ARID1A: variants seen among roughly 807,000 people sequenced by gnomAD.
ARID1A encodes the protein AT-rich interactive domain-containing protein 1A.
Under a neutral mutation model 212.6 loss-of-function variants are expected in ARID1A, and 20 were observed. The ratio of observed to expected loss-of-function variants is 0.09; its 90% CI spans 0.07 to 0.14. ARID1A has a LOEUF of 0.14. ARID1A is among the 10% of genes least tolerant of loss of function. ARID1A has a pLI of 1.00. For missense variants in ARID1A, 2,587 were observed against 3,059.0 expected, an observed-to-expected ratio of 0.85 and a Z score of 3.64; for synonymous variants, 1,376 against 1,222.1, an observed-to-expected ratio of 1.13 and a Z score of -2.63.
intron 5 of ARID1A, 144 bp downstream of exon 5, chr1:26,761,240 G>T: frequency 6.8e-7 from 1 of 1,460,150 alleles, no homozygotes; most frequent in Non-Finnish European, 9.3e-7. Context: ...AAGGAGATTG[G>T]AACCTGTTGG....
At chr1:26,742,570 A>T (rs2080797910) in intron 4 of ARID1A, among the ~76,000 whole-genome samples, 1 of 152,166 alleles carries the variant, frequency 6.6e-6, no homozygotes, top group Non-Finnish European at 1.5e-5. Context: ...GCCCCATCCT[A>T]GATTTATTGG....
At chr1:26,720,907 C>A (rs1160894148) in intron 1 of ARID1A, among the ~76,000 whole-genome samples, 1 of 151,828 alleles carries the variant, frequency 6.6e-6, no homozygotes, top group Non-Finnish European at 1.5e-5. Flanking sequence ...GCCCGGCCCC[C>A]ATCCCAGACC....
intron 4 of ARID1A, among the ~76,000 whole-genome samples, chr1:26,734,361 T>TTC (rs2080709013): frequency 6.6e-6 from 1 of 151,158 alleles, no homozygotes; most frequent in Non-Finnish European, 1.5e-5. Flanking sequence ...TTTTTTTTTT[T>TTC]TGGTCCTGAG....
intron 1 of ARID1A, among the ~76,000 whole-genome samples, chr1:26,718,195 G>C (rs943158859): frequency 2.6e-5 from 4 of 152,070 alleles, no homozygotes; most frequent in Non-Finnish European, 5.9e-5. Flanking sequence ...GGCTGGTCTC[G>C]AACTCCCGAC....
At position 26,780,779 on chromosome 1, in the gene ARID1A, C is replaced by CT. The variant is rs776428236; in HGVS notation, c.*23_*24insT. On this transcript the variant is annotated 3_prime_UTR_variant, in exon 20 of 20. Transcript: ENST00000324856. This position sits in a 1 kb window ranked among gnomAD's most constrained non-coding sequence, Gnocchi z 7.2. ...TGACAGCCGTGGGACACCTCCCCCC[C>CT]CCGTGTGTGTGTGCGTGTGTGGAGA... 5 of 1,543,774 alleles carry CT rather than the reference C, an allele frequency of 3.2e-6. No homozygotes were observed. The highest frequency in any genetic ancestry group is 4.4e-6 in the Non-Finnish European group (5 of 1,146,504).
intron 1 of ARID1A, among the ~76,000 whole-genome samples, chr1:26,701,089 C>T (rs1251041674): frequency 2.6e-5 from 4 of 152,164 alleles, no homozygotes; most frequent in East Asian, 3.8e-4. Flanking sequence ...GGATTGACTC[C>T]TGTAGGTGTA....
chr1:26,754,595 A>G (rs1045889233), intron 4 of ARID1A, among the ~76,000 whole-genome samples: 9 of 152,184 alleles, frequency 5.9e-5, no homozygotes, highest in Non-Finnish European at 1.2e-4. Flanking sequence ...ACTTGTTGCC[A>G]GTTTGCCTAA....
intron 1 of ARID1A, among the ~76,000 whole-genome samples, chr1:26,712,482 C>G (rs961476184): frequency 9.2e-5 from 14 of 151,906 alleles, no homozygotes; most frequent in African/African-American, 3.1e-4. Context: ...CCCAGGAGTT[C>G]GAGACCAGCC....
intron 1 of ARID1A, among the ~76,000 whole-genome samples, chr1:26,719,067 T>G (rs1211603087): frequency 6.6e-6 from 1 of 152,164 alleles, no homozygotes; most frequent in African/African-American, 2.4e-5. Context: ...GCATTTCAGT[T>G]CAGCATTAAT....
In ARID1A at chr1:26,713,610, T is replaced by G. The variant is rs1486741502; in HGVS notation, c.1138-16041T>G. ...CCTGACCTCAAGTAATCTGCCTGCC[T>G]CGGCCTCCCAGAGTGCTGGGATTAC... On this transcript the variant is annotated intron_variant, in intron 1 of 19. Coordinates refer to ENST00000324856, the MANE Select transcript of ARID1A (RefSeq NM_006015.6). Among the ~76,000 whole-genome samples, 14 of 152,330 alleles carry G rather than the reference T, an allele frequency of 9.2e-5. No homozygotes were observed. The South Asian group carries it at 2.3e-3, about 25-fold the overall frequency.
chr1:26,701,549 C>A (rs2080332073), intron 1 of ARID1A, among the ~76,000 whole-genome samples: 1 of 152,184 alleles, frequency 6.6e-6, no homozygotes, highest in African/African-American at 2.4e-5. Flanking sequence ...AGCTGTGTGA[C>A]CCTGGGCAGG....
intron 1 of ARID1A, among the ~76,000 whole-genome samples, chr1:26,712,630 G>C (rs1436319932): frequency 6.6e-6 from 1 of 152,134 alleles, no homozygotes; most frequent in African/African-American, 2.4e-5. Flanking sequence ...GTTTATTGGA[G>C]GCTGCAGTGA....
At chr1:26,703,778 C>A (rs2080361439) in intron 1 of ARID1A, among the ~76,000 whole-genome samples, 1 of 152,218 alleles carries the variant, frequency 6.6e-6, no homozygotes, top group Non-Finnish European at 1.5e-5. Flanking sequence ...TATGTGATTA[C>A]ACCAGCTAGG....
intron 4 of ARID1A, among the ~76,000 whole-genome samples, chr1:26,753,932 G>A (rs937569620): frequency 1.6e-4 from 25 of 151,924 alleles, no homozygotes; most frequent in African/African-American, 5.6e-4. Flanking sequence ...TCAGCCTCCC[G>A]AGTAGCTGGG....
At chr1:26,767,640 G>T in intron 10 of ARID1A, 150 bp from the exon 11 acceptor site, 1 of 778,620 alleles carries the variant, frequency 1.3e-6, no homozygotes, top group Non-Finnish European at 2.0e-6. Context: ...GTTCTCTTTT[G>T]GCCCTTCAAC....
chr1:26,740,626 G>C (rs921855122), intron 4 of ARID1A, among the ~76,000 whole-genome samples: 1 of 152,220 alleles, frequency 6.6e-6, no homozygotes, highest in Non-Finnish European at 1.5e-5. Context: ...AAGCCATTTA[G>C]ATCTGATCTT....
At position 26,729,775 on chromosome 1, in the gene ARID1A, C is replaced by T. The variant is rs769876984; in HGVS notation, c.1262C>T (p.Pro421Leu). Residue 421 changes from proline to leucine, a missense_variant, in exon 2 of 20, where the codon CCA (proline) becomes CTA (leucine). By Grantham distance (98) the Pro-to-Leu change is moderately conservative. Around this residue, in one of 11 missense-constraint regions of ARID1A, gnomAD observed 674 missense variants for 813.4 expected, o/e 0.83. Transcript: ENST00000324856. ...CAAGGACATGGGTACCCAGGGCAGC[C>T]ATACGGGTCCCAGACCCCGCAGCGG... ...PQQGHGYPGQ[P>L]YGSQTPQRYP... 1.2e-6 allele frequency: 2 copies of T among 1,614,238 alleles called. No homozygotes were observed. Among genetic ancestry groups the T allele is most frequent in the Admixed American group, 3.3e-5 (2 of 60,034 alleles).
In ARID1A at chr1:26,696,079, C is replaced by T; in HGVS notation, c.-325C>T. ...GGCCAGGCCCTGGGGAGCGGAGCCT[C>T]CACCGCCCCCCTCATTCCCAGGCAA... is the stretch of plus-strand genomic sequence containing the variant. On this transcript the variant is annotated 5_prime_UTR_variant, in exon 1 of 20. Transcript: ENST00000324856. 2.1e-6 allele frequency: 1 copy of T among 480,712 alleles called. No individual in the cohort carries two copies. The highest frequency in any genetic ancestry group is 2.8e-6 in the Non-Finnish European group (1 of 352,688). The allele number at this position is 480,712 out of a possible 1,614,324, so 29.8% of individuals were successfully genotyped here.
chr1:26,767,215 A>T (rs1423143035), intron 10 of ARID1A, among the ~76,000 whole-genome samples: 1 of 152,222 alleles, frequency 6.6e-6, no homozygotes. Context: ...AGCCCTTTTG[A>T]CCACGTTCCT....
Sources: allele counts gnomAD v4.1 joint callset (sites outside exome capture counted in the v4.1 genomes callset), GRCh38; gene constraint gnomAD v4.1.1; regional missense constraint gnomAD v4.1.1; non-coding constraint Gnocchi (gnomAD v3.1); transcripts MANE v1.5; gene names NCBI Gene and HGNC (gene_info 2026-07-23, HGNC 2026-07-21).